ATP6V0D2: variants seen among roughly 807,000 people sequenced by gnomAD.
ATP6V0D2 encodes the protein ATPase H+ transporting V0 subunit d2, also known as V-type proton ATPase subunit d 2.
Under a neutral mutation model 40.0 loss-of-function variants are expected in ATP6V0D2, and 40 were observed. The observed-to-expected ratio is 1.00, with a 90% CI of 0.78 to 1.30. The LOEUF (loss-of-function observed/expected upper bound fraction) is 1.30, where lower values mean the gene tolerates loss of function less well. ATP6V0D2 is among the 50% of genes most tolerant of loss of function. The pLI, the probability that ATP6V0D2 is intolerant of heterozygous loss-of-function variation, is 0.00. For missense variants in ATP6V0D2, 470 were observed against 423.1 expected (o/e 1.11, Z -0.97); for synonymous variants, 179 against 156.3 (o/e 1.15, Z -1.08).
At chr8:86,116,876 A>C (rs1169189842) in intron 2 of ATP6V0D2, among the ~76,000 whole-genome samples, 1 of 152,162 alleles carries the variant, frequency 6.6e-6, no homozygotes, top group Non-Finnish European at 1.5e-5. Flanking sequence ...TTTTACCATT[A>C]CCAACATTGG....
At chr8:86,117,971 C>T (rs1818612712) in intron 2 of ATP6V0D2, among the ~76,000 whole-genome samples, 1 of 151,858 alleles carries the variant, frequency 6.6e-6, no homozygotes, top group Admixed American at 6.6e-5. Flanking sequence ...AGCCTTATCA[C>T]ATCAGAGTGT....
At chr8:86,109,679 T>C (rs755813958) in intron 1 of ATP6V0D2, among the ~76,000 whole-genome samples, 14 of 152,206 alleles carry the variant, frequency 9.2e-5, no homozygotes, top group Admixed American at 3.3e-4. Flanking sequence ...GTGCTGAGAA[T>C]TCAAACTGTC....
chr8:86,119,250 T>TTTG (rs1818636798), intron 2 of ATP6V0D2, among the ~76,000 whole-genome samples: 1 of 150,420 alleles, frequency 6.6e-6, no homozygotes, highest in Non-Finnish European at 1.5e-5. Context: ...TTTTTTTTTT[T>TTTG]GAGATGGAGT....
intron 2 of ATP6V0D2, among the ~76,000 whole-genome samples, chr8:86,132,586 G>T (rs937901835): frequency 6.6e-6 from 1 of 151,882 alleles, no homozygotes; most frequent in African/African-American, 2.4e-5. Flanking sequence ...ATGATATTTG[G>T]CTTTCTGTGC....
intron 1 of ATP6V0D2, among the ~76,000 whole-genome samples, chr8:86,109,247 A>G (rs1818505480): frequency 6.6e-6 from 1 of 152,198 alleles, no homozygotes. Flanking sequence ...TTATTTTACC[A>G]TAAAGTCTTA....
At position 86,138,204 on chromosome 8, in the gene ATP6V0D2, C is replaced by A. The variant is rs181391648; in HGVS notation, c.303-1253C>A. 5.1e-4 allele frequency among the ~76,000 whole-genome samples: 77 copies of A among 152,292 alleles called. 1 individual carries two copies. Among genetic ancestry groups the A allele is most frequent in the Middle Eastern group, 3.4e-3 (1 of 294 alleles). The stretch of plus-strand genomic sequence containing the variant: ...GTTCTCCCTTCTGCCTTGAAATGTG[C>A]TTTTCCCCAGTTCCCAGCCCCTTTT... On this transcript the variant is annotated intron_variant, in intron 2 of 7. Transcript: ENST00000285393.
chr8:86,140,640 T>G (rs1318784107), intron 3 of ATP6V0D2, among the ~76,000 whole-genome samples: 1 of 152,100 alleles, frequency 6.6e-6, no homozygotes, highest in Admixed American at 6.6e-5. Flanking sequence ...AAAAAAAGCC[T>G]TAAGTGAATA....
At chr8:86,134,157 C>T (rs377222436) in intron 2 of ATP6V0D2, among the ~76,000 whole-genome samples, 6 of 151,796 alleles carry the variant, frequency 4.0e-5, no homozygotes, top group South Asian at 2.1e-4. Flanking sequence ...CAGAAGCAAG[C>T]GGTGTAGTAT....
chr8:86,145,258 A>AG (rs1491438069), intron 5 of ATP6V0D2, among the ~76,000 whole-genome samples: 24 of 68,704 alleles, frequency 3.5e-4, no homozygotes, highest in African/African-American at 9.9e-4. Context: ...AGAGAGAGAG[A>AG]AAGAAAGAAA....
At chr8:86,102,138 A>G (rs946289780) in intron 1 of ATP6V0D2, among the ~76,000 whole-genome samples, 1 of 152,184 alleles carries the variant, frequency 6.6e-6, no homozygotes, top group Admixed American at 6.5e-5. Context: ...GTATAAATTG[A>G]AGATATATGA....
At chr8:86,115,278 T>G (rs1818578025) in intron 2 of ATP6V0D2, among the ~76,000 whole-genome samples, 1 of 151,100 alleles carries the variant, frequency 6.6e-6, no homozygotes, top group Non-Finnish European at 1.5e-5. Flanking sequence ...GAGCAGGGAA[T>G]GAAAAGAATC....
intron 2 of ATP6V0D2, among the ~76,000 whole-genome samples, chr8:86,117,549 A>C (rs908114167): frequency 2.0e-5 from 3 of 152,222 alleles, no homozygotes; most frequent in African/African-American, 4.8e-5. Context: ...CTTGTTTGCC[A>C]TACTCAGTCC....
intron 1 of ATP6V0D2, 106 bp from the exon 2 acceptor site, chr8:86,113,603 A>G: frequency 1.1e-6 from 1 of 946,656 alleles, no homozygotes. Context: ...TAATAAGATA[A>G]TACATATGTA....
At chr8:86,139,828 T>C (rs1267715100) in intron 3 of ATP6V0D2, among the ~76,000 whole-genome samples, 193 bp downstream of exon 3, 1 of 152,166 alleles carries the variant, frequency 6.6e-6, no homozygotes, top group Admixed American at 6.6e-5. Context: ...CTAGTTCAGC[T>C]CCCTCATTTT....
intron 2 of ATP6V0D2, among the ~76,000 whole-genome samples, chr8:86,119,607 CT>C (rs1818642456): frequency 6.6e-6 from 1 of 152,064 alleles, no homozygotes; most frequent in African/African-American, 2.4e-5. Flanking sequence ...CAACAAACTA[CT>C]GTGTTACAAA....
intron 5 of ATP6V0D2, among the ~76,000 whole-genome samples, chr8:86,145,233 A>AAGAAAGAG (rs1554589869): frequency 3.1e-4 from 12 of 38,468 alleles, no homozygotes; most frequent in East Asian, 2.5e-3. Flanking sequence ...GAAAGAAAGA[A>AAGAAAGAG]AGAGAGAGAG....
At chr8:86,113,332 A>G (rs1818549454) in intron 1 of ATP6V0D2, among the ~76,000 whole-genome samples, 1 of 152,050 alleles carries the variant, frequency 6.6e-6, no homozygotes, top group Admixed American at 6.6e-5. Flanking sequence ...AAATACAAAA[A>G]TTAGCCAGGT....
chr8:86,133,625 G>A (rs763676820), intron 2 of ATP6V0D2, among the ~76,000 whole-genome samples: 1 of 151,870 alleles, frequency 6.6e-6, no homozygotes, highest in African/African-American at 2.4e-5. Context: ...CTGGCCACAA[G>A]CAGAAAATCT....
intron 7 of ATP6V0D2, among the ~76,000 whole-genome samples, chr8:86,152,469 T>A (rs1368665172): frequency 6.6e-6 from 1 of 152,222 alleles, no homozygotes; most frequent in Non-Finnish European, 1.5e-5. Flanking sequence ...AAATGATATT[T>A]CTGGTTCTAG....
Sources: gnomAD v4.1 joint callset for allele counts (sites outside exome capture counted in the v4.1 genomes callset) on GRCh38, gnomAD v4.1.1 for gene constraint, MANE v1.5 for transcripts, NCBI Gene and HGNC (gene_info 2026-07-23, HGNC 2026-07-21) for gene names.